ADIPOR2: variants seen among roughly 807,000 people sequenced by gnomAD.
The protein encoded by ADIPOR2 is adiponectin receptor 2, also known as adiponectin receptor protein 2.
Under a neutral mutation model 40.9 loss-of-function variants are expected in ADIPOR2, and 18 were observed. The observed-to-expected ratio is 0.44, with a 90% CI of 0.30 to 0.65. ADIPOR2 has a LOEUF of 0.65. ADIPOR2 is among the 30% of genes least tolerant of loss of function. The pLI, the probability that ADIPOR2 is intolerant of heterozygous loss-of-function variation, is 0.09. For synonymous variants in ADIPOR2, 165 were observed against 166.4 expected (o/e 0.99, Z 0.06); for missense variants, 283 against 479.2 (o/e 0.59, Z 3.82).
chr12:1,763,516 G>A (rs186035290), intron 2 of ADIPOR2, among the ~76,000 whole-genome samples: 9 of 152,252 alleles, frequency 5.9e-5, no homozygotes, highest in East Asian at 3.9e-4. Context: ...CATTGGAGGT[G>A]TATATTTGTG....
intron 1 of ADIPOR2, among the ~76,000 whole-genome samples, chr12:1,748,816 A>T (rs1448017502): frequency 6.6e-6 from 1 of 152,010 alleles, no homozygotes; most frequent in Non-Finnish European, 1.5e-5. Context: ...TTCTGTGATC[A>T]CACACATGGG....
chr12:1,757,765 G>T, intron 2 of ADIPOR2: 1 of 1,112,186 alleles, frequency 9.0e-7, no homozygotes, highest in Non-Finnish European at 1.4e-6. Context: ...CATGAATCCA[G>T]CAGGGTAGGT....
At chr12:1,773,038 A>G in intron 3 of ADIPOR2, 77 bp downstream of exon 3, 2 of 1,519,460 alleles carry the variant, frequency 1.3e-6, no homozygotes, top group Admixed American at 2.0e-5. Flanking sequence ...AGAGAGTGGT[A>G]GTACTATAGC....
rs973953234 is a variant in ADIPOR2 at position 1,707,712 on chromosome 12, A to G, written c.-87+16521A>G. 3.3e-5 allele frequency among the ~76,000 whole-genome samples: 5 copies of G among 152,190 alleles called. No homozygotes were observed. In the East Asian group the frequency reaches 5.8e-4, roughly 18 times the overall value. On this transcript the variant is annotated intron_variant, in intron 1 of 7. Transcript: ENST00000357103. Reference sequence around the variant, plus strand: ...GGTCTTTAAATCTGGGGCTCAAGTGATCTTCCCGCCTCAGTCTCCCAAAGT... The same window carrying G: ...GGTCTTTAAATCTGGGGCTCAAGTGGTCTTCCCGCCTCAGTCTCCCAAAGT...
intron 1 of ADIPOR2, among the ~76,000 whole-genome samples, chr12:1,736,120 G>A (rs1383806813): frequency 6.6e-6 from 1 of 152,170 alleles, no homozygotes; most frequent in Non-Finnish European, 1.5e-5. Flanking sequence ...AAATGAGTTA[G>A]GGAGGATTCC....
intron 1 of ADIPOR2, among the ~76,000 whole-genome samples, chr12:1,706,273 G>C (rs1306473110): frequency 6.6e-6 from 1 of 152,132 alleles, no homozygotes; most frequent in African/African-American, 2.4e-5. Flanking sequence ...AAAGCTAAAT[G>C]AGAATATTTA....
intron 1 of ADIPOR2, among the ~76,000 whole-genome samples, chr12:1,722,203 T>C (rs1237099125): frequency 6.6e-6 from 1 of 152,152 alleles, no homozygotes; most frequent in Non-Finnish European, 1.5e-5. Context: ...ATTTGGGCTG[T>C]GTTTTGAAGA....
intron 2 of ADIPOR2, chr12:1,758,006 C>CA: frequency 1.1e-6 from 1 of 900,802 alleles, no homozygotes. Flanking sequence ...TGGGACCACG[C>CA]GCCATGGCTG....
At chr12:1,763,149 A>G (rs749176346) in intron 2 of ADIPOR2, among the ~76,000 whole-genome samples, 4 of 152,238 alleles carry the variant, frequency 2.6e-5, no homozygotes, top group Non-Finnish European at 2.9e-5. Context: ...ATGAAGCAGG[A>G]TGGATTTTTA....
At chr12:1,721,635 T>C (rs980643306) in intron 1 of ADIPOR2, among the ~76,000 whole-genome samples, 3 of 152,172 alleles carry the variant, frequency 2.0e-5, no homozygotes, top group African/African-American at 4.8e-5. Context: ...AAAAGATCAG[T>C]AGTAAACAAA....
chr12:1,728,052 A>T (rs1441560104), intron 1 of ADIPOR2, among the ~76,000 whole-genome samples: 1 of 151,980 alleles, frequency 6.6e-6, no homozygotes, highest in African/African-American at 2.4e-5. Flanking sequence ...ACATCTATTT[A>T]TGGGCTCAGA....
chr12:1,725,125 C>G (rs2094705294), intron 1 of ADIPOR2, among the ~76,000 whole-genome samples: 1 of 143,826 alleles, frequency 7.0e-6, no homozygotes, highest in South Asian at 2.2e-4. Context: ...CGCAAACTTT[C>G]TTTTTTTTTT....
intron 1 of ADIPOR2, among the ~76,000 whole-genome samples, chr12:1,705,769 T>A (rs1010520753): frequency 6.6e-6 from 1 of 152,160 alleles, no homozygotes; most frequent in Non-Finnish European, 1.5e-5. Flanking sequence ...TTAAAGACAT[T>A]GTTTTTGTAG....
chr12:1,756,111 T>C (rs1242642490), intron 2 of ADIPOR2, among the ~76,000 whole-genome samples: 1 of 151,924 alleles, frequency 6.6e-6, no homozygotes, highest in African/African-American at 2.4e-5. Flanking sequence ...CCTGCTTGTA[T>C]CATCTTTCTC....
intron 2 of ADIPOR2, among the ~76,000 whole-genome samples, chr12:1,759,010 G>A (rs1434206996): frequency 6.6e-6 from 1 of 152,192 alleles, no homozygotes; most frequent in African/African-American, 2.4e-5. Context: ...TCTTTCTGCC[G>A]AACAAAGCTG....
rs749787916 is a variant in ADIPOR2 at position 1,780,857 on chromosome 12, T to C, written c.651-32T>C. 6 of 1,532,700 alleles carry C rather than the reference T, an allele frequency of 3.9e-6. No individual in the cohort carries two copies. The East Asian group carries it at 1.4e-4, about 36-fold the overall frequency. 94.9% of individuals were successfully genotyped at this position (1,532,700 alleles called of 1,614,324 possible). On this transcript the variant is annotated intron_variant, in intron 5 of 7. Transcript: ENST00000357103. Reference sequence around the variant, plus strand: ...TAGTGGCCAGTAGTTTTTAAATTACTGCATTAAATGGATTTTTTTTTTCTG... The same window carrying C: ...TAGTGGCCAGTAGTTTTTAAATTACCGCATTAAATGGATTTTTTTTTTCTG...
chr12:1,749,551 C>T (rs1031220424), intron 1 of ADIPOR2, among the ~76,000 whole-genome samples: 2 of 152,168 alleles, frequency 1.3e-5, no homozygotes, highest in African/African-American at 4.8e-5. Context: ...TCTGGGTTCT[C>T]TGTTCTGTTC....
chr12:1,775,521 T>C (rs1351862125), intron 3 of ADIPOR2, among the ~76,000 whole-genome samples: 1 of 152,186 alleles, frequency 6.6e-6, no homozygotes, highest in Non-Finnish European at 1.5e-5. Flanking sequence ...ACATATTCTT[T>C]TTGAATGTAA....
chr12:1,699,190 G>A (rs555527014), intron 1 of ADIPOR2, among the ~76,000 whole-genome samples: 1 of 152,294 alleles, frequency 6.6e-6, no homozygotes, highest in Non-Finnish European at 1.5e-5. Flanking sequence ...CCGGTATATA[G>A]CAGGTGGTAA....
Sources: gnomAD v4.1 joint callset for allele counts (sites outside exome capture counted in the v4.1 genomes callset) on GRCh38, gnomAD v4.1.1 for gene constraint, MANE v1.5 for transcripts, NCBI Gene and HGNC (gene_info 2026-07-23, HGNC 2026-07-21) for gene names.